Variants in AK7 observed in about 807,000 individuals in gnomAD.
AK7 encodes the protein ATP-AMP transphosphorylase 7.
AK7 carries 78 observed loss-of-function variants against 96.6 expected under a neutral mutation model. That is an observed-to-expected ratio of 0.81 (90% CI 0.67 to 0.97). AK7 has a LOEUF of 0.97. Ranked by LOEUF, AK7 falls within the 50% of genes least tolerant of loss-of-function variation. The probability of loss-of-function intolerance (pLI) is 0.00; values close to 1 mark genes in which losing one functional copy is unlikely to be tolerated. For synonymous variants in AK7, 302 were observed against 317.2 expected (o/e 0.95, Z 0.51); for missense variants, 855 against 887.9 (o/e 0.96, Z 0.47).
intron 5 of AK7, among the ~76,000 whole-genome samples, chr14:96,435,893 TGGTGAG>T (rs202081838): frequency 0.02 from 3,096 of 152,296 alleles, 47 homozygotes; most frequent in Non-Finnish European, 0.03. Context: ...GCTCTCCTGC[TGGTGAG>T]GGTGGGTGGC....
intron 4 of AK7, among the ~76,000 whole-genome samples, chr14:96,414,440 C>G (rs1891208373): frequency 6.6e-6 from 1 of 152,204 alleles, no homozygotes; most frequent in Admixed American, 6.5e-5. Context: ...CCAGGAGACT[C>G]CCAGGAAGGG....
chr14:96,476,372 G>T (rs773149144), intron 14 of AK7, among the ~76,000 whole-genome samples: 2 of 152,078 alleles, frequency 1.3e-5, no homozygotes, highest in Non-Finnish European at 2.9e-5. Flanking sequence ...AGGCACGGTG[G>T]TGCACGCCTA....
At chr14:96,421,977 C>T (rs908259562) in intron 5 of AK7, among the ~76,000 whole-genome samples, 13 of 152,116 alleles carry the variant, frequency 8.5e-5, no homozygotes, top group African/African-American at 1.4e-4. Flanking sequence ...TGTTCCCAGG[C>T]GGATTGGCAG....
At chr14:96,452,406 T>C (rs1036279699) in intron 10 of AK7, among the ~76,000 whole-genome samples, 2 of 151,856 alleles carry the variant, frequency 1.3e-5, no homozygotes, top group African/African-American at 4.8e-5. Context: ...CACAGCAACC[T>C]TTGCCTCCTG....
chr14:96,468,013 G>T (rs936573802), intron 12 of AK7, among the ~76,000 whole-genome samples: 3 of 138,282 alleles, frequency 2.2e-5, no homozygotes, highest in African/African-American at 8.0e-5. Context: ...GAGGCAGGAA[G>T]ATCACTTGAG....
At chr14:96,456,653 C>A in intron 11 of AK7, 178 bp downstream of exon 11, 12 of 613,690 alleles carry the variant, frequency 2.0e-5, no homozygotes, top group Non-Finnish European at 3.0e-5. Flanking sequence ...TTCTCTTCCC[C>A]CTCAGGCCTG....
At chr14:96,436,417 G>A (rs976367823) in intron 5 of AK7, among the ~76,000 whole-genome samples, 4 of 152,114 alleles carry the variant, frequency 2.6e-5, no homozygotes, top group Admixed American at 6.6e-5. Flanking sequence ...GGCCGAGGCA[G>A]GTGAATCACT....
intron 7 of AK7, among the ~76,000 whole-genome samples, chr14:96,446,269 C>T (rs544627244): frequency 8.9e-4 from 135 of 152,256 alleles, no homozygotes; most frequent in African/African-American, 3.2e-3. Context: ...TGCATCTGAC[C>T]TCAAAAGCTG....
At chr14:96,474,048 G>A (rs747649847) in intron 14 of AK7, among the ~76,000 whole-genome samples, 1 of 151,604 alleles carries the variant, frequency 6.6e-6, no homozygotes, top group Non-Finnish European at 1.5e-5. Flanking sequence ...GTTAAAAAGT[G>A]TTGTTGTTTT....
chr14:96,415,504 A>G (rs958262673), intron 4 of AK7, among the ~76,000 whole-genome samples: 11 of 151,830 alleles, frequency 7.2e-5, no homozygotes, highest in African/African-American at 1.2e-4. Flanking sequence ...AAACTCTTGG[A>G]AAAAAGAAAA....
Position 96,398,203 on chromosome 14 carries a change from T to A in AK7, c.234T>A (p.Ile78=). 1 of 1,614,012 alleles carries A rather than the reference T, an allele frequency of 6.2e-7. No homozygotes were observed. The highest frequency in any genetic ancestry group is 1.7e-5 in the Admixed American group (1 of 60,030). The change falls in exon 2 of 18, where the codon ATT becomes ATA. Residue 78 remains isoleucine (I), a synonymous_variant. Transcript: ENST00000267584. ...STKVKEGTFQ[I]VGTLSKPDSP... ...AAGTGAAGGAAGGCACATTCCAGAT[T>A]GTGGGCACGCTGTCCAAGCCTGACA...
At chr14:96,396,589 A>C (rs936370531) in intron 1 of AK7, among the ~76,000 whole-genome samples, 2 of 152,230 alleles carry the variant, frequency 1.3e-5, no homozygotes, top group African/African-American at 4.8e-5. Flanking sequence ...TATCAAAATA[A>C]ATGAGGTGGG....
At chr14:96,478,746 G>C (rs111884219) in intron 15 of AK7, 84 bp downstream of exon 15, 1 of 1,354,990 alleles carries the variant, frequency 7.4e-7, no homozygotes, top group South Asian at 1.3e-5. Flanking sequence ...TGTGGGGCTG[G>C]GGGGAGGGTG....
At chr14:96,422,484 A>G (rs1891759740) in intron 5 of AK7, among the ~76,000 whole-genome samples, 1 of 152,204 alleles carries the variant, frequency 6.6e-6, no homozygotes, top group Admixed American at 6.5e-5. Flanking sequence ...TTATAGTCCT[A>G]TCTTATCCAT....
At chr14:96,418,337 A>AAAAAAAAAAAAAAAAAAAAAAAAAAAAAT (rs1891472152) in intron 4 of AK7, among the ~76,000 whole-genome samples, 2 of 146,950 alleles carry the variant, frequency 1.4e-5, no homozygotes, top group East Asian at 2.0e-4. Context: ...AAAAAAAAAA[A>AAAAAAAAAAAAAAAAAAAAAAAAAAAAAT]GGCTTCAAAT....
chr14:96,451,257 A>G (rs965053179), intron 9 of AK7, among the ~76,000 whole-genome samples, 164 bp from the exon 10 acceptor site: 10 of 152,234 alleles, frequency 6.6e-5, no homozygotes, highest in African/African-American at 2.4e-4. Context: ...GAAGTAACGT[A>G]GTATCACACA....
At chr14:96,479,836 C>T (rs1445590695) in intron 15 of AK7, among the ~76,000 whole-genome samples, 5 of 152,190 alleles carry the variant, frequency 3.3e-5, no homozygotes, top group African/African-American at 1.2e-4. Context: ...GCCAGGCCCA[C>T]ACCTTGGGCC....
chr14:96,421,857 G>A (rs1309251271), intron 5 of AK7, among the ~76,000 whole-genome samples: 2 of 152,124 alleles, frequency 1.3e-5, no homozygotes, highest in African/African-American at 2.4e-5. Flanking sequence ...CGCCCGCCTG[G>A]AACTCCCAAA....
chr14:96,479,075 A>T (rs146321950), intron 15 of AK7, among the ~76,000 whole-genome samples: 5,145 of 147,118 alleles, frequency 0.035, 139 homozygotes, highest in Non-Finnish European at 0.043. Context: ...GGCCTGATTA[A>T]TTTTTTTTTC....
Sources: gnomAD v4.1 joint callset for allele counts (sites outside exome capture counted in the v4.1 genomes callset) on GRCh38, gnomAD v4.1.1 for gene constraint, MANE v1.5 for transcripts, NCBI Gene and HGNC (gene_info 2026-07-23, HGNC 2026-07-21) for gene names.